The following LTBP2 variants were observed in gnomAD, a reference collection of about 807,000 sequenced individuals.
LTBP2 encodes latent-transforming growth factor beta-binding protein 2.
A neutral mutation model predicts 210.6 loss-of-function variants in LTBP2; 103 were observed. The ratio of observed to expected loss-of-function variants is 0.49; its 90% CI spans 0.42 to 0.58. The LOEUF is 0.58. LTBP2 is among the 20% of genes least tolerant of loss of function. The pLI is 0.00. For missense variants in LTBP2, 2,313 were observed against 2,494.5 expected, an observed-to-expected ratio of 0.93 and a Z score of 1.55; for synonymous variants, 1,007 against 1,015.0, an observed-to-expected ratio of 0.99 and a Z score of 0.15.
chr14:74,552,217 T>C lies in LTBP2; in HGVS notation c.1369A>G (p.Thr457Ala), dbSNP rs1157266107. The C allele has an allele frequency of 1.2e-6, 2 of 1,611,822 alleles. No individual in the cohort carries two copies. Among genetic ancestry groups the C allele is most frequent in the East Asian group, 2.2e-5 (1 of 44,846 alleles). ...TGGTTGGAGAGCGGCAGTGTGAAAG[T>C]GGACTGCTTCAGTGGGGCTTCCAGC... The part of the protein sequence containing the change: ...ALLEAPLKQS[T>A]FTLPLSNQLA... The change falls in exon 6 of 36, where the codon ACT (threonine) becomes GCT (alanine). Residue 457 changes from threonine to alanine, a missense_variant. Physicochemically the swap from Thr to Ala is moderately conservative, Grantham distance 58. Around this residue, in one of 3 missense-constraint regions of LTBP2, gnomAD observed 1,867 missense variants for 1,976.9 expected, o/e 0.94. Transcript: ENST00000261978.
chr14:74,591,576 C>G (rs962698304), intron 2 of LTBP2, among the ~76,000 whole-genome samples: 2 of 152,244 alleles, frequency 1.3e-5, no homozygotes, highest in African/African-American at 4.8e-5. Flanking sequence ...CACTCGCATC[C>G]TCTCTTGTTT....
chr14:74,564,069 A>T (rs1430353274), intron 3 of LTBP2, among the ~76,000 whole-genome samples: 3 of 41,330 alleles, frequency 7.3e-5, no homozygotes, highest in Non-Finnish European at 1.3e-4. Flanking sequence ...ATTTATATAT[A>T]TATATTTATA....
rs146729148 is a variant in LTBP2 at position 74,508,182 on chromosome 14, C to T, written c.3653-87G>A. 2.8e-4 allele frequency: 423 copies of T among 1,524,686 alleles called. 2 individuals are homozygous for T. In the East Asian group the frequency reaches 7.2e-3, roughly 26 times the overall value. The allele number at this position is 1,524,686 out of a possible 1,614,324, so 94.4% of individuals were successfully genotyped here. ...GTAGCTTCCTCTGGGCCCTGAGTAG[C>T]CCATAGGAGAGTCAGGGAGTGGCTT... On this transcript the variant is annotated intron_variant, in intron 24 of 35. Coordinates refer to ENST00000261978, the MANE Select transcript of LTBP2 (RefSeq NM_000428.3).
Position 74,611,684 on chromosome 14 carries a change from C to G in LTBP2, c.261G>C (p.Arg87=), listed in dbSNP as rs1465263296. The G allele has an allele frequency of 1.9e-6, 3 of 1,575,324 alleles. No individual in the cohort carries two copies. The highest frequency in any genetic ancestry group is 2.6e-6 in the Non-Finnish European group (3 of 1,167,090). ...APVAGLQPVE[R]AQPGWGSPRR... ...TGGGGCTCCCCCAGCCCGGCTGGGC[C>G]CGCTCCACGGGCTGCAAGCCCGCGA... The change falls in exon 1 of 36, where the codon CGG becomes CGC. Residue 87 remains arginine (R), a synonymous_variant. Coordinates refer to ENST00000261978, the MANE Select transcript of LTBP2 (RefSeq NM_000428.3).
chr14:74,566,576 C>T (rs1185223721), intron 3 of LTBP2, among the ~76,000 whole-genome samples: 1 of 152,160 alleles, frequency 6.6e-6, no homozygotes, highest in Non-Finnish European at 1.5e-5. Flanking sequence ...CCAGGCAGGC[C>T]CTTGGCTGCC....
chr14:74,522,065 G>C (rs770044650), intron 16 of LTBP2, 26 bp from the exon 17 acceptor site: 1 of 1,605,738 alleles, frequency 6.2e-7, no homozygotes, highest in Non-Finnish European at 8.5e-7. Flanking sequence ...CAGGGAGGGA[G>C]GTCAGGGGGG....
At chr14:74,522,097 C>T in intron 16 of LTBP2, 58 bp from the exon 17 acceptor site, 5 of 1,569,048 alleles carry the variant, frequency 3.2e-6, no homozygotes, top group Non-Finnish European at 4.3e-6. Flanking sequence ...GTTCTTTGGG[C>T]ACCTACCAGC....
intron 8 of LTBP2, among the ~76,000 whole-genome samples, chr14:74,542,590 G>A (rs561773731): frequency 3.0e-4 from 46 of 152,288 alleles, no homozygotes; most frequent in East Asian, 3.9e-4. Flanking sequence ...ACAGGGACGC[G>A]TGAGCAGGCT....
intron 8 of LTBP2, among the ~76,000 whole-genome samples, chr14:74,540,594 T>A (rs1485817884): frequency 2.5e-4 from 38 of 149,392 alleles, no homozygotes; most frequent in African/African-American, 9.4e-4. Flanking sequence ...TGAAACCCCA[T>A]CTCTACTAAA....
chr14:74,599,857 G>C (rs969107636), intron 2 of LTBP2, among the ~76,000 whole-genome samples: 15 of 152,270 alleles, frequency 9.9e-5, no homozygotes, highest in Admixed American at 7.2e-4. Context: ...ACAGATATCT[G>C]GGAGAGACTG....
intron 8 of LTBP2, 118 bp from the exon 9 acceptor site, chr14:74,536,118 C>T (rs982114708): frequency 1.7e-5 from 14 of 835,148 alleles, no homozygotes; most frequent in Non-Finnish European, 2.8e-5. Context: ...TGAGCCCCAG[C>T]CCCCGAAGCC....
At chr14:74,510,511 T>C (rs555807703) in intron 19 of LTBP2, among the ~76,000 whole-genome samples, 3 of 152,346 alleles carry the variant, frequency 2.0e-5, no homozygotes, top group African/African-American at 2.4e-5. Flanking sequence ...ATACTTGAAA[T>C]GAGGTGTCCA....
At chr14:74,557,069 C>T (rs1167722585) in intron 3 of LTBP2, among the ~76,000 whole-genome samples, 1 of 152,126 alleles carries the variant, frequency 6.6e-6, no homozygotes, top group East Asian at 1.9e-4. Context: ...CGAGATCACC[C>T]TGGTCAACAT....
intron 2 of LTBP2, among the ~76,000 whole-genome samples, chr14:74,590,331 G>A (rs533564607): frequency 5.9e-5 from 9 of 152,314 alleles, no homozygotes; most frequent in South Asian, 4.1e-4. Flanking sequence ...AAAGACACCC[G>A]CACGTGTATG....
rs2139688422 is a variant in LTBP2, at chr14:74,503,874, C to T, written c.4582+52G>A. The T allele has an allele frequency of 4.3e-6, 7 of 1,610,470 alleles. No individual in the cohort carries two copies. In the South Asian group the frequency reaches 6.6e-5, roughly 15 times the overall value. ...ACTGGCTGGCAGGGGCTGGGTGGGC[C>T]ATTATTCAGCTGTGGGCCTGGGGTG... On this transcript the variant is annotated intron_variant, in intron 31 of 35. Coordinates refer to ENST00000261978, the MANE Select transcript of LTBP2 (RefSeq NM_000428.3).
At chr14:74,549,604 A>C (rs2087622737) in intron 8 of LTBP2, among the ~76,000 whole-genome samples, 1 of 152,214 alleles carries the variant, frequency 6.6e-6, no homozygotes, top group Non-Finnish European at 1.5e-5. Context: ...CTAAAATCTG[A>C]TCAAGAATCT....
At chr14:74,590,058 C>T (rs934751822) in intron 2 of LTBP2, among the ~76,000 whole-genome samples, 2 of 152,142 alleles carry the variant, frequency 1.3e-5, no homozygotes, top group Admixed American at 6.5e-5. Context: ...CAACATCACT[C>T]GTCATCAGGG....
At chr14:74,583,982 C>A (rs2088171496) in intron 3 of LTBP2, among the ~76,000 whole-genome samples, 1 of 151,146 alleles carries the variant, frequency 6.6e-6, no homozygotes. Context: ...CCCTTGGCTG[C>A]AGGTACAGCT....
rs994442772 is a variant in LTBP2, at chr14:74,554,377, T to C, written c.1021+1126A>G. Among the ~76,000 whole-genome samples the C allele has an allele frequency of 4.6e-5, 7 of 152,198 alleles. No homozygotes were observed. In the East Asian group the frequency reaches 1.3e-3, roughly 29 times the overall value. Reference sequence around the variant, plus strand: ...AGCTGGGCATGGTGGTGCATGCCTGTAGTCCCAGCTACTCTGGAGTCTGAG... The same window carrying C: ...AGCTGGGCATGGTGGTGCATGCCTGCAGTCCCAGCTACTCTGGAGTCTGAG... On this transcript the variant is annotated intron_variant, in intron 4 of 35. Transcript: ENST00000261978.
Sources: gnomAD v4.1 joint callset for allele counts (sites outside exome capture counted in the v4.1 genomes callset) on GRCh38, gnomAD v4.1.1 for gene constraint, gnomAD v4.1.1 regional missense constraint, MANE v1.5 for transcripts, NCBI Gene and HGNC (gene_info 2026-07-23, HGNC 2026-07-21) for gene names.